PAX3: variants seen among roughly 807,000 people sequenced by gnomAD.
The protein encoded by PAX3 is paired box protein Pax-3.
In PAX3, 14 loss-of-function variants were observed where a neutral mutation model predicts 51.6. The observed-to-expected ratio is 0.27, with a 90% CI of 0.18 to 0.42. The LOEUF is 0.42. PAX3 is among the 10% of genes least tolerant of loss of function. The pLI is 1.00. For synonymous variants in PAX3, 280 were observed against 253.4 expected, an observed-to-expected ratio of 1.11 and a Z score of -1.00; for missense variants, 540 against 642.8, an observed-to-expected ratio of 0.84 and a Z score of 1.73.
At chr2:222,297,919 C>T (rs4531923) in intron 1 of PAX3, among the ~76,000 whole-genome samples, 6 of 152,216 alleles carry the variant, frequency 3.9e-5, no homozygotes, top group African/African-American at 1.4e-4. Flanking sequence ...TTGAAAACGG[C>T]TCAGGCTTGC....
chr2:222,245,660 TAA>T (rs75354236), intron 4 of PAX3, among the ~76,000 whole-genome samples: 18,412 of 150,902 alleles, frequency 0.12, 1,397 homozygotes, highest in Middle Eastern at 0.25. Flanking sequence ...CTGAAGAGAA[TAA>T]AAGAGGGGAG....
chr2:222,218,430 A>G (rs1004660255), intron 7 of PAX3, among the ~76,000 whole-genome samples: 46 of 152,362 alleles, frequency 3.0e-4, no homozygotes, highest in African/African-American at 1.1e-3. Context: ...ATTGAATAAA[A>G]TAAGGTACTA....
chr2:222,283,745 G>A (rs546677240), intron 4 of PAX3, among the ~76,000 whole-genome samples: 10 of 152,310 alleles, frequency 6.6e-5, no homozygotes, highest in Admixed American at 2.0e-4. Flanking sequence ...AAGGAGCTTC[G>A]GCTGCCTGCT....
chr2:222,265,019 G>A (rs559585197), intron 4 of PAX3: 1 of 152,282 alleles, frequency 6.6e-6, no homozygotes, highest in African/African-American at 2.4e-5. Context: ...ATGGCCAGAC[G>A]ACCATCCCCC....
At chr2:222,217,881 G>A (rs1304760283) in intron 7 of PAX3, among the ~76,000 whole-genome samples, 1 of 152,144 alleles carries the variant, frequency 6.6e-6, no homozygotes. Context: ...AAAGTTTACA[G>A]AAATCTAAGT....
chr2:222,251,289 G>C (rs1205402866), intron 4 of PAX3, among the ~76,000 whole-genome samples: 1 of 149,118 alleles, frequency 6.7e-6, no homozygotes, highest in Non-Finnish European at 1.5e-5. Flanking sequence ...GGTGTGTGAT[G>C]TTCCCCTTCC....
At chr2:222,268,163 C>G (rs1321700941) in intron 4 of PAX3, among the ~76,000 whole-genome samples, 1 of 152,174 alleles carries the variant, frequency 6.6e-6, no homozygotes, top group Non-Finnish European at 1.5e-5. Flanking sequence ...ATAATCTGAG[C>G]AGAGTCCTGG....
chr2:222,291,404 G>T (rs1695033609), intron 4 of PAX3, among the ~76,000 whole-genome samples: 1 of 152,242 alleles, frequency 6.6e-6, no homozygotes, highest in South Asian at 2.1e-4. Context: ...CCGTTAGGGA[G>T]CGCGGGCCTG....
chr2:222,298,295 G>A lies in PAX3; in HGVS notation c.85+236C>T, dbSNP rs78381262. 12 of 555,892 alleles carry A rather than the reference G, an allele frequency of 2.2e-5. No individual in the cohort carries two copies. The South Asian group carries it at 2.3e-4, about 11-fold the overall frequency. The allele number at this position is 555,892 out of a possible 1,614,324, so 34.4% of individuals were successfully genotyped here. A position where few individuals can be genotyped will look rare whatever the true frequency, so the allele number is the denominator to read the frequency against. Reference sequence around the variant, plus strand: ...CAAAACAACAGGGACAAGTCTCCCCGGCTCGCCGCAGGCCTGACCGCCCAG... The same window carrying A: ...CAAAACAACAGGGACAAGTCTCCCCAGCTCGCCGCAGGCCTGACCGCCCAG... On this transcript the variant is annotated intron_variant, in intron 1 of 8. Coordinates refer to ENST00000392070, the MANE Select transcript of PAX3 (RefSeq NM_181458.4).
rs146512193 is a variant in PAX3, at chr2:222,224,303, G to A, written c.793-2916C>T. Among the ~76,000 whole-genome samples, 98 of 152,276 alleles carry A rather than the reference G, an allele frequency of 6.4e-4. No homozygotes were observed. The East Asian group carries it at 0.018, about 28-fold the overall frequency. On this transcript the variant is annotated intron_variant, in intron 5 of 8. Coordinates refer to ENST00000392070, the MANE Select transcript of PAX3 (RefSeq NM_181458.4). ...GAGGTTCAAGAGATTCCCAAAGGAAGGAATTTAAATGTTGTTTAAATTTAG... is the reference window on the plus strand; with the variant it reads ...GAGGTTCAAGAGATTCCCAAAGGAAAGAATTTAAATGTTGTTTAAATTTAG...
chr2:222,210,888 G>A (rs1447105767), intron 7 of PAX3, among the ~76,000 whole-genome samples: 1 of 151,768 alleles, frequency 6.6e-6, no homozygotes, highest in African/African-American at 2.4e-5. Flanking sequence ...TTTTTTCTGA[G>A]ACAGAATCTC....
chr2:222,286,841 A>G (rs1444020840), intron 4 of PAX3, among the ~76,000 whole-genome samples: 1 of 152,256 alleles, frequency 6.6e-6, no homozygotes, highest in Non-Finnish European at 1.5e-5. Flanking sequence ...TATAACACCT[A>G]TTATTCCTCA....
intron 7 of PAX3, among the ~76,000 whole-genome samples, chr2:222,204,065 TC>T (rs1168205638): frequency 6.6e-6 from 1 of 152,108 alleles, no homozygotes; most frequent in Non-Finnish European, 1.5e-5. Context: ...TGGTAAAACA[TC>T]CTTTTTTACA....
At position 222,201,283 on chromosome 2, in the gene PAX3, TG is replaced by T; in HGVS notation, c.*124del. 1 of 1,613,038 alleles carries T rather than the reference TG, an allele frequency of 6.2e-7. No individual in the cohort carries two copies. The highest frequency in any genetic ancestry group is 8.5e-7 in the Non-Finnish European group (1 of 1,179,966). On this transcript the variant is annotated 3_prime_UTR_variant, in exon 9 of 9. Coordinates refer to ENST00000392070, the MANE Select transcript of PAX3 (RefSeq NM_181458.4). ...TCAATCACTCTCCTTTGTCTCCTATTGGGACCACTGCCCCACCCCCCCCAAC... is the reference window on the plus strand; with the variant it reads ...TCAATCACTCTCCTTTGTCTCCTATTGGACCACTGCCCCACCCCCCCCAAC...
chr2:222,255,917 A>ATTTTTTTTTT (rs57757180), intron 4 of PAX3, among the ~76,000 whole-genome samples: 1,375 of 98,170 alleles, frequency 0.014, 1 homozygote, highest in African/African-American at 0.022. Flanking sequence ...CGCCCAGCTA[A>ATTTTTTTTTT]TTTTTTTTTT....
chr2:222,270,547 C>T (rs1694216281), intron 4 of PAX3, among the ~76,000 whole-genome samples: 1 of 152,196 alleles, frequency 6.6e-6, no homozygotes, highest in Non-Finnish European at 1.5e-5. Context: ...ATCTTCTCCT[C>T]ACTGGCCTTA....
intron 4 of PAX3, among the ~76,000 whole-genome samples, chr2:222,242,118 T>C (rs540558341): frequency 4.9e-4 from 75 of 152,266 alleles, no homozygotes; most frequent in South Asian, 1.0e-3. Flanking sequence ...AGAAAAACCA[T>C]GTTGTAAAAG....
intron 4 of PAX3, among the ~76,000 whole-genome samples, chr2:222,287,122 C>T (rs1051352098): frequency 6.6e-6 from 1 of 152,244 alleles, no homozygotes; most frequent in Non-Finnish European, 1.5e-5. Context: ...TATTTCCCAA[C>T]ACTGTAGGGT....
chr2:222,225,139 T>C (rs1032641605), intron 5 of PAX3, among the ~76,000 whole-genome samples: 2 of 152,164 alleles, frequency 1.3e-5, no homozygotes, highest in African/African-American at 4.8e-5. Flanking sequence ...TTAGACACAG[T>C]TAATTGTCTA....
Sources: allele counts gnomAD v4.1 joint callset (sites outside exome capture counted in the v4.1 genomes callset), GRCh38; gene constraint gnomAD v4.1.1; transcripts MANE v1.5; gene names NCBI Gene and HGNC (gene_info 2026-07-23, HGNC 2026-07-21).